The following C9orf85 variants were observed in gnomAD, a reference collection of about 807,000 sequenced individuals.
C9orf85 encodes the protein chromosome 9 open reading frame 85, also known as uncharacterized protein C9orf85.
Under a neutral mutation model 14.9 loss-of-function variants are expected in C9orf85, and 16 were observed. The observed-to-expected ratio is 1.08, with a 90% CI of 0.73 to 1.63. The LOEUF is 1.63. Among genes scored for constraint, C9orf85 ranks in the 40% most tolerant of loss-of-function variants. The probability of loss-of-function intolerance (pLI) is 0.00; values close to 1 mark genes in which losing one functional copy is unlikely to be tolerated. For missense variants in C9orf85, 172 were observed against 186.1 expected (o/e 0.92, Z 0.44); for synonymous variants, 45 against 56.8 (o/e 0.79, Z 0.93).
intron 1 of C9orf85, among the ~76,000 whole-genome samples, chr9:71,931,531 A>G (rs373245416): frequency 6.6e-6 from 1 of 152,186 alleles, no homozygotes. Context: ...AAAGAAAGGC[A>G]GTATGGAATA....
At chr9:71,963,166 T>C (rs1248479928) in intron 2 of C9orf85, among the ~76,000 whole-genome samples, 1 of 152,218 alleles carries the variant, frequency 6.6e-6, no homozygotes, top group Non-Finnish European at 1.5e-5. Context: ...ATTACTAGTA[T>C]AATTTGATGC....
intron 1 of C9orf85, among the ~76,000 whole-genome samples, chr9:71,934,169 C>A (rs1828134787): frequency 1.5e-5 from 2 of 136,760 alleles, no homozygotes; most frequent in Non-Finnish European, 3.1e-5. Flanking sequence ...CATGGTGAAA[C>A]CCTGACTCTA....
At chr9:71,959,859 T>C (rs1023118789) in intron 2 of C9orf85, among the ~76,000 whole-genome samples, 35 of 152,348 alleles carry the variant, frequency 2.3e-4, no homozygotes, top group Admixed American at 6.5e-4. Context: ...GCTCTTAATT[T>C]CTGAGCAAAA....
chr9:71,926,670 C>T (rs1827937355), intron 1 of C9orf85, among the ~76,000 whole-genome samples: 1 of 143,730 alleles, frequency 7.0e-6, no homozygotes, highest in African/African-American at 2.5e-5. Flanking sequence ...TGTGACATTG[C>T]TTAAAAACTA....
chr9:71,986,020 T>C (rs1382469808), downstream of C9orf85: 3 of 152,244 alleles, frequency 2.0e-5, no homozygotes, highest in East Asian at 5.8e-4. Flanking sequence ...AATTGTGATA[T>C]ATATTTACAA....
chr9:71,921,256 G>T (rs1827796994), intron 1 of C9orf85, among the ~76,000 whole-genome samples: 1 of 152,190 alleles, frequency 6.6e-6, no homozygotes. Context: ...CCTTAGGAGA[G>T]TCTGACACCT....
At chr9:71,928,186 C>CAAAAAAAAAAAAA (rs58238164) in intron 1 of C9orf85, among the ~76,000 whole-genome samples, 5 of 74,284 alleles carry the variant, frequency 6.7e-5, no homozygotes, top group African/African-American at 2.2e-4. Flanking sequence ...GGCTCTGTCT[C>CAAAAAAAAAAAAA]AAAAAAAAAA....
At chr9:71,926,635 A>G (rs1270068738) in intron 1 of C9orf85, among the ~76,000 whole-genome samples, 14 of 5,772 alleles carry the variant, frequency 2.4e-3, no homozygotes, top group African/African-American at 8.3e-3. Context: ...ACTGCTGTTG[A>G]AAAAAAAAAA....
At chr9:71,931,766 G>A (rs1417679646) in intron 1 of C9orf85, among the ~76,000 whole-genome samples, 1 of 152,178 alleles carries the variant, frequency 6.6e-6, no homozygotes, top group Non-Finnish European at 1.5e-5. Context: ...ACTTGTCAGC[G>A]ATTTATTATT....
chr9:71,946,398 T>C (rs1822085883), intron 1 of C9orf85, among the ~76,000 whole-genome samples: 1 of 152,230 alleles, frequency 6.6e-6, no homozygotes, highest in Non-Finnish European at 1.5e-5. Context: ...ATTATGTTTT[T>C]ATTGAGATAT....
At chr9:71,941,935 G>C (rs1232550857) in intron 1 of C9orf85, 1 of 152,098 alleles carries the variant, frequency 6.6e-6, no homozygotes, top group African/African-American at 2.4e-5. Flanking sequence ...AAGCAAAAAG[G>C]TAAGAAGATG....
At chr9:71,915,771 T>G (rs1370577138) in intron 1 of C9orf85, among the ~76,000 whole-genome samples, 1 of 152,236 alleles carries the variant, frequency 6.6e-6, no homozygotes, top group Non-Finnish European at 1.5e-5. Flanking sequence ...ATCTTTGCCC[T>G]TCTCATTCAG....
intron 1 of C9orf85, among the ~76,000 whole-genome samples, chr9:71,944,378 A>C (rs1822027963): frequency 6.6e-6 from 1 of 151,986 alleles, no homozygotes; most frequent in South Asian, 2.1e-4. Context: ...TTCTTCTTTC[A>C]CTGATTCCTA....
downstream of C9orf85, among the ~76,000 whole-genome samples, chr9:71,976,654 T>A (rs1366902664): frequency 6.9e-6 from 1 of 145,732 alleles, no homozygotes; most frequent in Non-Finnish European, 1.5e-5. Flanking sequence ...AGAGCGAGAC[T>A]CCATCTCAAA....
chr9:71,942,734 C>A (rs1437018828), intron 1 of C9orf85, among the ~76,000 whole-genome samples: 1 of 152,122 alleles, frequency 6.6e-6, no homozygotes, highest in Admixed American at 6.5e-5. Flanking sequence ...AAAACCCTGT[C>A]TCTACTAAAA....
chr9:71,940,392 C>T (rs1306218438), intron 1 of C9orf85, among the ~76,000 whole-genome samples: 2 of 152,080 alleles, frequency 1.3e-5, no homozygotes, highest in Non-Finnish European at 2.9e-5. Context: ...TATGATCATG[C>T]CACTGCGCTC....
chr9:71,914,856 C>T (rs1378071931), intron 1 of C9orf85, among the ~76,000 whole-genome samples: 2 of 152,198 alleles, frequency 1.3e-5, no homozygotes, highest in African/African-American at 2.4e-5. Context: ...GGCCATTGGT[C>T]ACCGGTACCC....
At chr9:71,937,643 T>C (rs907148157) in intron 1 of C9orf85, among the ~76,000 whole-genome samples, 3 of 152,176 alleles carry the variant, frequency 2.0e-5, no homozygotes, top group African/African-American at 7.2e-5. Flanking sequence ...CAGTTTGTTA[T>C]TGGTGTTTTA....
At chr9:71,923,782 C>T (rs1291605729) in intron 1 of C9orf85, among the ~76,000 whole-genome samples, 1 of 152,156 alleles carries the variant, frequency 6.6e-6, no homozygotes, top group Non-Finnish European at 1.5e-5. Flanking sequence ...GTAGATGAAA[C>T]TATCCCTGAG....
Sources: allele counts gnomAD v4.1 joint callset (sites outside exome capture counted in the v4.1 genomes callset), GRCh38; gene constraint gnomAD v4.1.1; transcripts MANE v1.5; gene names NCBI Gene and HGNC (gene_info 2026-07-23, HGNC 2026-07-21).